The following BCAR3 variants were observed in gnomAD, a reference collection of about 807,000 sequenced individuals.
BCAR3 encodes the protein BCAR3 adaptor protein, NSP family member, also known as breast cancer anti-estrogen resistance protein 3.
In BCAR3, 37 loss-of-function variants were observed where a neutral mutation model predicts 80.1. That is an observed-to-expected ratio of 0.46 (90% CI 0.36 to 0.61). BCAR3 has a LOEUF of 0.61. Among genes scored for constraint, BCAR3 ranks in the 20% least tolerant of loss-of-function variants. The pLI is 0.00. For missense variants in BCAR3, 978 were observed against 1,068.2 expected (o/e 0.92, Z 1.18); for synonymous variants, 389 against 418.9 (o/e 0.93, Z 0.87).
intron 2 of BCAR3, among the ~76,000 whole-genome samples, chr1:93,746,830 A>C (rs924695255): frequency 6.6e-6 from 1 of 152,134 alleles, no homozygotes; most frequent in African/African-American, 2.4e-5. Context: ...GCTCTCCCAC[A>C]GGTGACTGGC....
rs749804228 is a variant in BCAR3, at chr1:93,642,310, A to G, written c.351T>C (p.Tyr117=). 2.5e-6 allele frequency: 4 copies of G among 1,613,832 alleles called. No homozygotes were observed. The highest frequency in any genetic ancestry group is 3.4e-6 in the Non-Finnish European group (4 of 1,179,680). The change falls in exon 3 of 12, where the codon TAT becomes TAC. Residue 117 remains tyrosine, a synonymous_variant. Coordinates refer to ENST00000260502, the MANE Select transcript of BCAR3 (RefSeq NM_003567.4). ...DPHLLDPTVE[Y]VKFSKERHIM... ...TTTAATTCTCATTTCCTACCTTCACATATTCCACAGTTGGGTCCAGAAGAT... is the reference window on the plus strand; with the variant it reads ...TTTAATTCTCATTTCCTACCTTCACGTATTCCACAGTTGGGTCCAGAAGAT...
At chr1:93,658,186 G>A (rs1027368212) in intron 2 of BCAR3, among the ~76,000 whole-genome samples, 20 of 151,986 alleles carry the variant, frequency 1.3e-4, no homozygotes, top group African/African-American at 4.8e-4. Flanking sequence ...TGATCCGCCC[G>A]CCTCGGCCTC....
intron 2 of BCAR3, among the ~76,000 whole-genome samples, chr1:93,788,632 T>A (rs1653032476): frequency 6.6e-6 from 1 of 152,220 alleles, no homozygotes; most frequent in South Asian, 2.1e-4. Flanking sequence ...AGGCTAAAGA[T>A]TGGACCCCGA....
chr1:93,576,499 G>T (rs890079371), intron 7 of BCAR3, among the ~76,000 whole-genome samples: 2 of 152,182 alleles, frequency 1.3e-5, no homozygotes, highest in Admixed American at 6.6e-5. Flanking sequence ...GCATGTGTTC[G>T]GAGCTGACCG....
chr1:93,718,697 T>C (rs955081808), intron 2 of BCAR3, among the ~76,000 whole-genome samples: 16 of 111,964 alleles, frequency 1.4e-4, no homozygotes, highest in African/African-American at 2.3e-4. Flanking sequence ...TCTTTTTTTT[T>C]TTTTTTTTTT....
At chr1:93,739,613 T>G (rs1456885058) in intron 2 of BCAR3, among the ~76,000 whole-genome samples, 1 of 152,230 alleles carries the variant, frequency 6.6e-6, no homozygotes, top group Non-Finnish European at 1.5e-5. Flanking sequence ...ATTGTCATCT[T>G]GCAATTCTTA....
chr1:93,786,086 G>C (rs1652929373), intron 2 of BCAR3, among the ~76,000 whole-genome samples: 1 of 139,282 alleles, frequency 7.2e-6, no homozygotes, highest in South Asian at 2.3e-4. Context: ...CCAGCTACTC[G>C]GGAGGCTGAG....
chr1:93,817,936 G>T (rs1654077231), intron 2 of BCAR3, among the ~76,000 whole-genome samples: 1 of 152,080 alleles, frequency 6.6e-6, no homozygotes, highest in African/African-American at 2.4e-5. Flanking sequence ...CCAGTCCCAA[G>T]GAAGCTTTGC....
In BCAR3 at chr1:93,582,570, C is replaced by T. The variant is rs144741377; in HGVS notation, c.1417G>A (p.Val473Ile). 15 of 1,613,416 alleles carry T rather than the reference C, an allele frequency of 9.3e-6. No homozygotes were observed. Among genetic ancestry groups the T allele is most frequent in the Admixed American group, 3.3e-5 (2 of 59,876 alleles). ...NEAPGPRNSGVNYLILDDDDR... is the reference protein window; with the variant it reads ...NEAPGPRNSGINYLILDDDDR... ...TCATCATCAAGGATCAAGTAGTTGA[C>T]GCCAGAGTTCCGGGGACCTGGCGCC... The change falls in exon 7 of 12, where the codon GTC becomes ATC. Residue 473 changes from valine (V) to isoleucine (I), a missense_variant. Transcript: ENST00000260502.
At chr1:93,603,771 C>T (rs1325884139) in intron 3 of BCAR3, among the ~76,000 whole-genome samples, 5 of 152,190 alleles carry the variant, frequency 3.3e-5, no homozygotes, top group Non-Finnish European at 5.9e-5. Context: ...CTGAGGCAGC[C>T]GCAGCTGTGA....
chr1:93,817,937 G>A (rs1349443397), intron 2 of BCAR3, among the ~76,000 whole-genome samples: 1 of 152,220 alleles, frequency 6.6e-6, no homozygotes, highest in East Asian at 1.9e-4. Context: ...CAGTCCCAAG[G>A]AAGCTTTGCT....
At chr1:93,591,580 C>T (rs1195289383) in intron 4 of BCAR3, among the ~76,000 whole-genome samples, 1 of 152,162 alleles carries the variant, frequency 6.6e-6, no homozygotes, top group Non-Finnish European at 1.5e-5. Flanking sequence ...ATCAGGTTTA[C>T]AATAAAAACC....
At chr1:93,777,132 A>G (rs974270165) in intron 2 of BCAR3, among the ~76,000 whole-genome samples, 1 of 152,156 alleles carries the variant, frequency 6.6e-6, no homozygotes, top group African/African-American at 2.4e-5. Flanking sequence ...GGCAAACAAA[A>G]GGAAGAATTC....
chr1:93,812,243 T>C (rs1188237671), intron 2 of BCAR3, among the ~76,000 whole-genome samples: 4 of 152,134 alleles, frequency 2.6e-5, no homozygotes, highest in Non-Finnish European at 5.9e-5. Flanking sequence ...ACTCCCTTAT[T>C]TTCCACGCAC....
At chr1:93,569,034 G>C (rs1024070968) in intron 9 of BCAR3, among the ~76,000 whole-genome samples, 3 of 152,034 alleles carry the variant, frequency 2.0e-5, no homozygotes, top group African/African-American at 7.3e-5. Context: ...ATTTTCTTTT[G>C]GAACAATTTA....
At chr1:93,581,427 T>G (rs76196441) in intron 7 of BCAR3, among the ~76,000 whole-genome samples, 1 of 151,292 alleles carries the variant, frequency 6.6e-6, no homozygotes, top group Admixed American at 6.6e-5. Context: ...TTTTTTTTTT[T>G]GAGACAGAGT....
chr1:93,713,478 T>C (rs1650095053), intron 2 of BCAR3, among the ~76,000 whole-genome samples: 1 of 152,208 alleles, frequency 6.6e-6, no homozygotes. Flanking sequence ...AGGAATTATG[T>C]TGAGGCTCTT....
At chr1:93,629,264 G>A (rs571966416) in intron 3 of BCAR3, among the ~76,000 whole-genome samples, 14 of 152,220 alleles carry the variant, frequency 9.2e-5, no homozygotes, top group Non-Finnish European at 1.6e-4. Context: ...TCCCAGGCAT[G>A]GAGTCTTCTG....
At chr1:93,653,119 T>C (rs1647206698) in intron 2 of BCAR3, among the ~76,000 whole-genome samples, 1 of 152,200 alleles carries the variant, frequency 6.6e-6, no homozygotes, top group Admixed American at 6.5e-5. Context: ...GAAATACAGA[T>C]AGGGAAGGAA....
Sources: allele counts gnomAD v4.1 joint callset (sites outside exome capture counted in the v4.1 genomes callset), GRCh38; gene constraint gnomAD v4.1.1; transcripts MANE v1.5; gene names NCBI Gene and HGNC (gene_info 2026-07-23, HGNC 2026-07-21).